The following LANCL1 variants were observed in gnomAD, a reference collection of about 807,000 sequenced individuals.
LANCL1 encodes LanC like glutathione S-transferase 1.
LANCL1 carries 50 observed loss-of-function variants against 50.6 expected under a neutral mutation model. That is an observed-to-expected ratio of 0.99 (90% CI 0.79 to 1.25). The LOEUF is 1.25. Ranked by LOEUF, LANCL1 falls within the 50% of genes most tolerant of loss-of-function variation. The probability of loss-of-function intolerance (pLI) is 0.00; values close to 1 mark genes in which losing one functional copy is unlikely to be tolerated. For missense variants in LANCL1, 532 were observed against 480.7 expected (o/e 1.11, Z -1.00); for synonymous variants, 188 against 178.6 (o/e 1.05, Z -0.42).
chr2:210,446,983 C>T (rs757478817), intron 4 of LANCL1, among the ~76,000 whole-genome samples: 8 of 152,092 alleles, frequency 5.3e-5, no homozygotes, highest in Non-Finnish European at 1.0e-4. Context: ...ACAACATTCA[C>T]ATTCAGGAAA....
intron 5 of LANCL1, 136 bp from the exon 6 acceptor site, chr2:210,440,880 G>A (rs1018387366): frequency 1.1e-5 from 8 of 740,860 alleles, no homozygotes; most frequent in African/African-American, 3.5e-5. Flanking sequence ...GAAAGGCACA[G>A]TTTAATTCTC....
Position 210,441,320 on chromosome 2 carries a change from G to T in LANCL1, c.531C>A (p.Ser177Arg), listed in dbSNP as rs753867692. Residue 177 changes from serine to arginine, a missense_variant, in exon 5 of 10, where the codon AGC becomes AGA. Coordinates refer to ENST00000450366, the MANE Select transcript of LANCL1 (RefSeq NM_006055.3). The part of the protein sequence containing the change: ...KNFGVEKIPQ[S>R]HIQQICETIL... ...AAAAACGTGGTACCTGCTGAATATG[G>T]CTTTGAGGAATCTTTTCCACTCCAA... 2 of 1,612,290 alleles carry T rather than the reference G, an allele frequency of 1.2e-6. No individual in the cohort carries two copies. Among genetic ancestry groups the T allele is most frequent in the Admixed American group, 3.3e-5 (2 of 59,824 alleles).
At chr2:210,440,199 T>C (rs1693084179) in intron 6 of LANCL1, among the ~76,000 whole-genome samples, 1 of 152,212 alleles carries the variant, frequency 6.6e-6, no homozygotes, top group Admixed American at 6.5e-5. Context: ...TCTATTGATT[T>C]TGTTCTTATT....
At position 210,434,522 on chromosome 2, in the gene LANCL1, G is replaced by A; in HGVS notation, c.1165C>T (p.Pro389Ser). 6.2e-7 allele frequency: 1 copy of A among 1,613,178 alleles called. No homozygotes were observed. The change falls in exon 10 of 10, where the codon CCC becomes TCC. Residue 389 changes from proline to serine, a missense_variant. By Grantham distance (74) the Pro-to-Ser change is moderately conservative. Transcript: ENST00000450366. ...AATGCAGGGAACCTGGCTTTTGTGG[G>A]GACTAGCAGGTCAGCCAGGAAATAT... The part of the protein sequence containing the change: ...TIYFLADLLV[P>S]TKARFPAFEL
At chr2:210,454,443 T>C (rs900676053) in intron 4 of LANCL1, among the ~76,000 whole-genome samples, 4 of 152,170 alleles carry the variant, frequency 2.6e-5, no homozygotes, top group African/African-American at 9.6e-5. Flanking sequence ...TAAGAAAGAA[T>C]AGTGGGAATC....
intron 9 of LANCL1, 107 bp downstream of exon 9, chr2:210,435,280 T>C: frequency 1.3e-6 from 1 of 782,130 alleles, no homozygotes; most frequent in East Asian, 2.7e-5. Flanking sequence ...AAAAAAGTAG[T>C]TTAAGAATAA....
intron 4 of LANCL1, chr2:210,442,575 T>C (rs552108676): frequency 1.2e-4 from 19 of 152,280 alleles, no homozygotes; most frequent in African/African-American, 4.3e-4. Flanking sequence ...GCACCTTGTG[T>C]CTCCCTCAAA....
At chr2:210,451,030 G>A (rs951914187) in intron 4 of LANCL1, among the ~76,000 whole-genome samples, 7 of 152,104 alleles carry the variant, frequency 4.6e-5, no homozygotes, top group South Asian at 2.1e-4. Context: ...AAATGCACAC[G>A]TATGTTTATT....
In LANCL1 at chr2:210,440,606, G is replaced by C; in HGVS notation, c.682C>G (p.Leu228Val). ...AHGLAGIYYY[L>V]MQPSLQVSQG... is the part of the protein sequence containing the mutation. Reference sequence around the variant, plus strand: ...CCATAATCACTCCTTACCTGCATCAGGTAGTAATAAATTCCAGCCAGGCCA... The same window carrying C: ...CCATAATCACTCCTTACCTGCATCACGTAGTAATAAATTCCAGCCAGGCCA... The change falls in exon 6 of 10, where the codon CTG becomes GTG. Residue 228 changes from leucine to valine, a missense_variant. Coordinates refer to ENST00000450366, the MANE Select transcript of LANCL1 (RefSeq NM_006055.3). The C allele has an allele frequency of 6.2e-7, 1 of 1,612,652 alleles. No individual in the cohort carries two copies. The highest frequency in any genetic ancestry group is 8.5e-7 in the Non-Finnish European group (1 of 1,179,512).
chr2:210,435,746 C>T (rs1174829731), intron 8 of LANCL1, among the ~76,000 whole-genome samples: 4 of 151,994 alleles, frequency 2.6e-5, no homozygotes, highest in Admixed American at 2.6e-4. Context: ...AGAATTATGT[C>T]CCTTTAAAGG....
chr2:210,435,181 A>C (rs1352208760), intron 9 of LANCL1, among the ~76,000 whole-genome samples: 1 of 152,194 alleles, frequency 6.6e-6, no homozygotes, highest in Non-Finnish European at 1.5e-5. Context: ...GGCTCCATAA[A>C]AGGGAGTCAC....
intron 3 of LANCL1, chr2:210,468,107 G>A (rs968409716): frequency 1.3e-5 from 2 of 151,846 alleles, no homozygotes; most frequent in Non-Finnish European, 1.5e-5. Flanking sequence ...GTTACACTTA[G>A]CTCTAGGAAA....
chr2:210,448,617 AAAG>A (rs1239330645), intron 4 of LANCL1, among the ~76,000 whole-genome samples: 3 of 152,198 alleles, frequency 2.0e-5, no homozygotes, highest in Non-Finnish European at 2.9e-5. Context: ...CCAGACTAAT[AAAG>A]AAGAAAAGAG....
chr2:210,435,568 A>C, intron 8 of LANCL1, 109 bp from the exon 9 acceptor site: 1 of 794,382 alleles, frequency 1.3e-6, no homozygotes, highest in Non-Finnish European at 2.2e-6. Flanking sequence ...CACTACCTTC[A>C]CATCAGAGAA....
intron 4 of LANCL1, among the ~76,000 whole-genome samples, chr2:210,444,276 G>C (rs1693240960): frequency 6.6e-6 from 1 of 152,208 alleles, no homozygotes; most frequent in Non-Finnish European, 1.5e-5. Flanking sequence ...TACAGTGAGT[G>C]AAAACATCCT....
chr2:210,471,897 C>G, intron 3 of LANCL1, 62 bp downstream of exon 3: 2 of 1,167,420 alleles, frequency 1.7e-6, no homozygotes, highest in South Asian at 1.2e-5. Context: ...AGACAGCTCT[C>G]GGAAAAATGC....
intron 9 of LANCL1, among the ~76,000 whole-genome samples, chr2:210,435,117 A>G (rs1477614674): frequency 6.6e-6 from 1 of 152,108 alleles, no homozygotes; most frequent in African/African-American, 2.4e-5. Context: ...TAGTGCCTGT[A>G]TGTTTTTGCT....
intron 8 of LANCL1, 71 bp downstream of exon 8, chr2:210,436,145 C>T (rs1692923373): frequency 7.3e-7 from 1 of 1,373,372 alleles, no homozygotes; most frequent in South Asian, 1.3e-5. Context: ...CCTGCCTCAG[C>T]CTCCCAAAGT....
chr2:210,445,263 C>T (rs961929402), intron 4 of LANCL1, among the ~76,000 whole-genome samples: 7 of 152,238 alleles, frequency 4.6e-5, no homozygotes, highest in South Asian at 2.1e-4. Context: ...ATTTGAACCA[C>T]GGCATTAACT....
Sources: allele counts gnomAD v4.1 joint callset (sites outside exome capture counted in the v4.1 genomes callset), GRCh38; gene constraint gnomAD v4.1.1; transcripts MANE v1.5; gene names NCBI Gene and HGNC (gene_info 2026-07-23, HGNC 2026-07-21).